Variants in JADE2 observed in about 807,000 individuals in gnomAD.
The protein encoded by JADE2 is E3 ubiquitin-protein ligase Jade-2.
Under a neutral mutation model 85.7 loss-of-function variants are expected in JADE2, and 13 were observed. The observed-to-expected ratio is 0.15, with a 90% CI of 0.10 to 0.24. The LOEUF (loss-of-function observed/expected upper bound fraction) is 0.24. Ranked by LOEUF, JADE2 falls within the 10% of genes least tolerant of loss-of-function variation. The probability of loss-of-function intolerance (pLI) is 1.00; values close to 1 mark genes in which losing one functional copy is unlikely to be tolerated. For synonymous variants in JADE2, 440 were observed against 456.1 expected, an observed-to-expected ratio of 0.96 and a Z score of 0.45; for missense variants, 846 against 1,115.9, an observed-to-expected ratio of 0.76 and a Z score of 3.45.
At chr5:134,561,691 G>T (rs1407266635) in intron 6 of JADE2, among the ~76,000 whole-genome samples, 1 of 152,154 alleles carries the variant, frequency 6.6e-6, no homozygotes, top group Admixed American at 6.5e-5. Flanking sequence ...AGGCTGGCAG[G>T]TAGGTGGGCA....
At chr5:134,548,565 C>T (rs909104527) in intron 3 of JADE2, among the ~76,000 whole-genome samples, 6 of 152,152 alleles carry the variant, frequency 3.9e-5, no homozygotes, top group African/African-American at 1.2e-4. Flanking sequence ...TGCTAGAGCC[C>T]GTAGTGTCCA....
Position 134,566,047 on chromosome 5 carries a change from A to G in JADE2, c.970-69A>G. 2 of 1,336,976 alleles carry G rather than the reference A, an allele frequency of 1.5e-6. No individual in the cohort carries two copies. Among genetic ancestry groups the G allele is most frequent in the Non-Finnish European group, 2.1e-6 (2 of 951,132 alleles). 82.8% of individuals were successfully genotyped at this position (1,336,976 alleles called of 1,614,324 possible). On this transcript the variant is annotated intron_variant, in intron 8 of 11. Transcript: ENST00000681547. The surrounding 1 kb of genome is among the most constrained non-coding windows in gnomAD (Gnocchi z 6.7). The stretch of plus-strand genomic sequence containing the variant: ...GCATTCTCAGTAGAGCCCTGGGGGA[A>G]GCCCCTCTGTCTTCTCCCCTCCCAC...
At chr5:134,533,700 TC>T (rs1277137101) in intron 1 of JADE2, 1 of 283,472 alleles carries the variant, frequency 3.5e-6, no homozygotes, top group East Asian at 1.8e-4. Flanking sequence ...GAATCAGGAG[TC>T]AGGATTCTGT....
chr5:134,527,575 C>T (rs1172021455), intron 1 of JADE2, among the ~76,000 whole-genome samples: 1 of 151,792 alleles, frequency 6.6e-6, no homozygotes, highest in Non-Finnish European at 1.5e-5. Flanking sequence ...CACCTCCCGG[C>T]GCCGCCCCCG....
At chr5:134,572,476 G>T (rs1764094108) in intron 9 of JADE2, among the ~76,000 whole-genome samples, 1 of 152,244 alleles carries the variant, frequency 6.6e-6, no homozygotes, top group Non-Finnish European at 1.5e-5. Context: ...TATGCCAACA[G>T]GCAGGGGGTC....
At chr5:134,524,227 CAGG>C (rs1176970343), upstream of JADE2, 3 of 152,384 alleles carry the variant, frequency 2.0e-5, no homozygotes, top group Non-Finnish European at 4.4e-5. Context: ...CCTCCCCAAC[CAGG>C]AGGCCAGTCC....
chr5:134,567,505 G>T (rs1763718188), intron 9 of JADE2, among the ~76,000 whole-genome samples: 1 of 152,294 alleles, frequency 6.6e-6, no homozygotes, highest in East Asian at 1.9e-4. Context: ...GGGTTCCAGA[G>T]CATATGGGAC....
chr5:134,526,007 G>A lies in JADE2; in HGVS notation c.-5G>A, dbSNP rs1205763325. 3 of 985,388 alleles carry A rather than the reference G, an allele frequency of 3.0e-6. No homozygotes were observed. Among genetic ancestry groups the A allele is most frequent in the East Asian group, 1.1e-4 (1 of 8,792 alleles). 61.0% of individuals were successfully genotyped at this position (985,388 alleles called of 1,614,324 possible). On this transcript the variant is annotated 5_prime_UTR_variant, in exon 1 of 12. Coordinates refer to ENST00000681547, the MANE Select transcript of JADE2 (RefSeq NM_001388185.1). ...GCGCCCGTCAGGGGGGCACCGCGGAGCAAGGTAAGATCCAGCCCCCGGCGG... is the reference window on the plus strand; with the variant it reads ...GCGCCCGTCAGGGGGGCACCGCGGAACAAGGTAAGATCCAGCCCCCGGCGG...
chr5:134,573,284 C>T (rs1390076552), intron 9 of JADE2, among the ~76,000 whole-genome samples: 1 of 152,164 alleles, frequency 6.6e-6, no homozygotes, highest in Non-Finnish European at 1.5e-5. Context: ...GGACAGCAAC[C>T]ATGTTGGCAG....
At chr5:134,543,102 T>G (rs1436600510) in intron 3 of JADE2, among the ~76,000 whole-genome samples, 1 of 149,642 alleles carries the variant, frequency 6.7e-6, no homozygotes, top group Non-Finnish European at 1.5e-5. Context: ...TGGTGTGATC[T>G]CGGCTCACTG....
In JADE2 at chr5:134,566,673, C is replaced by T. The variant is rs893453404; in HGVS notation, c.1434+93C>T. The T allele has an allele frequency of 5.1e-6, 5 of 973,992 alleles. No homozygotes were observed. Among genetic ancestry groups the T allele is most frequent in the Non-Finnish European group, 7.4e-6 (5 of 672,282 alleles). The allele number at this position is 973,992 out of a possible 1,614,324, so 60.3% of individuals were successfully genotyped here. A position where few individuals can be genotyped will look rare whatever the true frequency, so the allele number is the denominator to read the frequency against. ...ACTGCCCTGGAGCAGCTAGGACTCA[C>T]CAGGACTCAAACTGTGAGCTCTGGT... On this transcript the variant is annotated intron_variant, in intron 9 of 11. Coordinates refer to ENST00000681547, the MANE Select transcript of JADE2 (RefSeq NM_001388185.1). The surrounding 1 kb of genome is among the most constrained non-coding windows in gnomAD (Gnocchi z 6.7).
chr5:134,566,657 G>T lies in JADE2; in HGVS notation c.1434+77G>T. 9.0e-7 allele frequency: 1 copy of T among 1,110,368 alleles called. No individual in the cohort carries two copies. The highest frequency in any genetic ancestry group is 1.3e-6 in the Non-Finnish European group (1 of 786,334). The allele number at this position is 1,110,368 out of a possible 1,614,324, so 68.8% of individuals were successfully genotyped here. ...TTTCCATGCCACACTCACTGCCCTG[G>T]AGCAGCTAGGACTCACCAGGACTCA... On this transcript the variant is annotated intron_variant, in intron 9 of 11. Coordinates refer to ENST00000681547, the MANE Select transcript of JADE2 (RefSeq NM_001388185.1). This position sits in a 1 kb window ranked among gnomAD's most constrained non-coding sequence, Gnocchi z 6.7.
Position 134,560,852 on chromosome 5 carries a change from C to T in JADE2, c.579C>T (p.Gly193=). The part of the protein sequence containing the change: ...ARAIETQEGL[G]IEYDEDVVCD... ...CCATTGAGACGCAGGAGGGGCTGGGCATCGAGTACGACGAGGATGTTGTCT... is the reference window on the plus strand; with the variant it reads ...CCATTGAGACGCAGGAGGGGCTGGGTATCGAGTACGACGAGGATGTTGTCT... Residue 193 remains glycine (G), a synonymous_variant, in exon 6 of 12, where the codon GGC becomes GGT. Transcript: ENST00000681547. 1 of 1,614,192 alleles carries T rather than the reference C, an allele frequency of 6.2e-7. No homozygotes were observed. Among genetic ancestry groups the T allele is most frequent in the Non-Finnish European group, 8.5e-7 (1 of 1,180,030 alleles).
At chr5:134,535,734 G>A (rs1457583001) in intron 1 of JADE2, 124 bp from the exon 2 acceptor site, 7 of 779,744 alleles carry the variant, frequency 9.0e-6, no homozygotes, top group Non-Finnish European at 1.5e-5. Context: ...GGCTAGGACA[G>A]GGCTTTATTC....
Position 134,576,769 on chromosome 5 carries a change from G to A in JADE2, c.1554G>A (p.Glu518=). 1.3e-6 allele frequency: 2 copies of A among 1,550,606 alleles called. No individual in the cohort carries two copies. Among genetic ancestry groups the A allele is most frequent in the African/African-American group, 1.4e-5 (1 of 73,166 alleles). Residue 518 remains glutamate (E), a splice_region_variant and synonymous_variant, in exon 11 of 12, where the codon GAG becomes GAA. Coordinates refer to ENST00000681547, the MANE Select transcript of JADE2 (RefSeq NM_001388185.1). The stretch of plus-strand genomic sequence containing the variant: ...CTCCTCTCACTTTCCCTGACACAGA[G>A]CGGTCTGGGAGGAGAGCAAAGGGCA... ...MKLIEQDLCR[E]RSGRRAKGKK... is the part of the protein sequence containing the mutation.
chr5:134,551,758 T>C (rs1328328294), intron 3 of JADE2, among the ~76,000 whole-genome samples: 1 of 152,160 alleles, frequency 6.6e-6, no homozygotes, highest in Non-Finnish European at 1.5e-5. Context: ...TCTCTGCCAG[T>C]CTTTCTTTCT....
Position 134,578,547 on chromosome 5 carries a change from G to C in JADE2, c.1735G>C (p.Ala579Pro), listed in dbSNP as rs1270764343. The part of the protein sequence containing the change: ...IDGTFFNSWL[A>P]QSVQITAENM... ...TGGCACCTTCTTCAACAGCTGGCTG[G>C]CACAGTCGGTGCAGATCACAGCAGA... The change falls in exon 12 of 12, where the codon GCA (alanine) becomes CCA (proline). Residue 579 changes from alanine (A) to proline (P), a missense_variant. Physicochemically the swap from Ala to Pro is conservative, Grantham distance 27. Transcript: ENST00000681547. The surrounding 1 kb of genome is among the most constrained non-coding windows in gnomAD (Gnocchi z 4.4). 4 of 1,605,712 alleles carry C rather than the reference G, an allele frequency of 2.5e-6. No homozygotes were observed. Among genetic ancestry groups the C allele is most frequent in the Non-Finnish European group, 3.4e-6 (4 of 1,173,450 alleles).
At position 134,526,044 on chromosome 5, in the gene JADE2, G is replaced by C. The variant is rs1054152090; in HGVS notation, c.-1+33G>C. The stretch of plus-strand genomic sequence containing the variant: ...CCAGCCCCCGGCGGATGGGCCCTGC[G>C]CATCTCCACGACGTTATTTGGCGTT... On this transcript the variant is annotated intron_variant, in intron 1 of 11. Transcript: ENST00000681547. The C allele has an allele frequency of 4.1e-6, 4 of 985,318 alleles. No homozygotes were observed. In the African/African-American group the frequency reaches 5.2e-5, roughly 13 times the overall value. 61.0% of individuals were successfully genotyped at this position (985,318 alleles called of 1,614,324 possible).
chr5:134,548,835 G>A (rs1762443904), intron 3 of JADE2, among the ~76,000 whole-genome samples: 1 of 152,186 alleles, frequency 6.6e-6, no homozygotes, highest in Non-Finnish European at 1.5e-5. Flanking sequence ...TTAAAGCCCA[G>A]CAGAACAAAG....
Sources: allele counts gnomAD v4.1 joint callset (sites outside exome capture counted in the v4.1 genomes callset), GRCh38; gene constraint gnomAD v4.1.1; non-coding constraint Gnocchi (gnomAD v3.1); transcripts MANE v1.5; gene names NCBI Gene and HGNC (gene_info 2026-07-23, HGNC 2026-07-21).